The following MARCHF1 variants were observed in gnomAD, a reference collection of about 807,000 sequenced individuals.
MARCHF1 encodes the protein membrane associated ring-CH-type finger 1.
MARCHF1 carries 40 observed loss-of-function variants against 54.2 expected under a neutral mutation model. The ratio of observed to expected loss-of-function variants is 0.74; its 90% CI spans 0.57 to 0.96. The LOEUF (loss-of-function observed/expected upper bound fraction) is 0.96. Among genes scored for constraint, MARCHF1 ranks in the 40% least tolerant of loss-of-function variants. The pLI is 0.00. For synonymous variants in MARCHF1, 236 were observed against 236.3 expected, an observed-to-expected ratio of 1.00 and a Z score of 0.01; for missense variants, 586 against 656.5, an observed-to-expected ratio of 0.89 and a Z score of 1.17.
intron 4 of MARCHF1, among the ~76,000 whole-genome samples, chr4:163,771,744 CA>C (rs141957003): frequency 0.011 from 1,704 of 152,266 alleles, 31 homozygotes; most frequent in African/African-American, 0.038. Context: ...AGCACTGCTC[CA>C]GCAATTCTGA....
In MARCHF1 at chr4:163,693,459, G is replaced by A. The variant is rs184064523; in HGVS notation, c.162+7354C>T. On this transcript the variant is annotated intron_variant, in intron 5 of 9. Coordinates refer to ENST00000514618, the MANE Select transcript of MARCHF1 (RefSeq NM_001394959.1). ...GGGGCCTAGAATGATAGAAGGTTCT[G>A]CAGCAATATCAGCTGCAATACAAGC... Among the ~76,000 whole-genome samples, 60 of 151,472 alleles carry A rather than the reference G, an allele frequency of 4.0e-4. 1 individual carries two copies. Among genetic ancestry groups the A allele is most frequent in the Admixed American group, 7.2e-4 (11 of 15,192 alleles).
At chr4:164,274,212 T>C (rs909018205) in intron 1 of MARCHF1, among the ~76,000 whole-genome samples, 2 of 152,230 alleles carry the variant, frequency 1.3e-5, no homozygotes, top group Admixed American at 6.5e-5. Context: ...GTTTTCCTTG[T>C]TGGCGAGTAA....
At chr4:164,249,670 G>C (rs1011510711) in intron 1 of MARCHF1, among the ~76,000 whole-genome samples, 1 of 151,238 alleles carries the variant, frequency 6.6e-6, no homozygotes, top group African/African-American at 2.4e-5. Context: ...AATTAAGGAA[G>C]AAAGTGCTAG....
chr4:163,707,830 G>A (rs1241844912), intron 4 of MARCHF1, among the ~76,000 whole-genome samples: 2 of 150,252 alleles, frequency 1.3e-5, no homozygotes, highest in South Asian at 2.1e-4. Flanking sequence ...ATAAAGATGG[G>A]ACAGTTGTTA....
intron 1 of MARCHF1, among the ~76,000 whole-genome samples, chr4:164,311,201 T>C (rs1734841896): frequency 6.6e-6 from 1 of 152,174 alleles, no homozygotes; most frequent in African/African-American, 2.4e-5. Flanking sequence ...AGATATGTAC[T>C]GATCTATTGT....
chr4:164,262,942 A>C (rs1361617269), intron 1 of MARCHF1, among the ~76,000 whole-genome samples: 2 of 152,202 alleles, frequency 1.3e-5, no homozygotes, highest in Non-Finnish European at 2.9e-5. Context: ...AATGCTAAGG[A>C]TATAACAAGA....
At chr4:163,724,176 T>C (rs917232655) in intron 4 of MARCHF1, among the ~76,000 whole-genome samples, 2 of 152,230 alleles carry the variant, frequency 1.3e-5, no homozygotes, top group African/African-American at 4.8e-5. Context: ...TGGTCTTTGA[T>C]CATGGTGATG....
chr4:164,200,071 A>G (rs72987747), intron 1 of MARCHF1, among the ~76,000 whole-genome samples: 1,889 of 152,256 alleles, frequency 0.012, 41 homozygotes, highest in African/African-American at 0.044. Flanking sequence ...CTTTCTACAG[A>G]AGGACTTTCT....
At chr4:163,975,006 A>C (rs4056335) in intron 3 of MARCHF1, among the ~76,000 whole-genome samples, 145,461 of 152,150 alleles carry the variant, frequency 0.96, 69,842 homozygotes, top group East Asian at 1. Context: ...AGGATTTTTT[A>C]TGCCTTTAGA....
At chr4:164,004,951 T>C (rs999850690) in intron 2 of MARCHF1, among the ~76,000 whole-genome samples, 3 of 151,496 alleles carry the variant, frequency 2.0e-5, no homozygotes, top group Non-Finnish European at 1.5e-5. Flanking sequence ...GTAGAGCACA[T>C]TAAAAAAAGG....
intron 2 of MARCHF1, among the ~76,000 whole-genome samples, chr4:164,028,576 G>T (rs1753816255): frequency 6.6e-6 from 1 of 152,086 alleles, no homozygotes; most frequent in African/African-American, 2.4e-5. Flanking sequence ...TACTAGAAGG[G>T]GTAGGGAAAC....
chr4:163,971,728 C>T (rs190483801), intron 3 of MARCHF1, among the ~76,000 whole-genome samples: 1 of 152,202 alleles, frequency 6.6e-6, no homozygotes. Context: ...AACCTTTGTT[C>T]CTGTGTTTTA....
chr4:164,070,384 A>G (rs1232207367), intron 2 of MARCHF1, among the ~76,000 whole-genome samples: 2 of 152,182 alleles, frequency 1.3e-5, no homozygotes, highest in Non-Finnish European at 2.9e-5. Context: ...GATTTGAGAT[A>G]TTCAGGAATT....
intron 1 of MARCHF1, among the ~76,000 whole-genome samples, chr4:164,220,618 T>TA (rs975137415): frequency 1.4e-5 from 2 of 146,014 alleles, no homozygotes; most frequent in African/African-American, 2.5e-5. Context: ...ATGCTATATA[T>TA]GCATATATGT....
intron 5 of MARCHF1, among the ~76,000 whole-genome samples, chr4:163,666,752 T>C (rs1743547683): frequency 6.6e-6 from 1 of 152,104 alleles, no homozygotes; most frequent in Admixed American, 6.6e-5. Context: ...AAGGTTCTGC[T>C]TTATACTTCC....
At chr4:164,075,948 T>C (rs146095304) in intron 2 of MARCHF1, among the ~76,000 whole-genome samples, 9 of 152,304 alleles carry the variant, frequency 5.9e-5, no homozygotes, top group Admixed American at 4.6e-4. Flanking sequence ...GTCTATCATA[T>C]AGATTTGTAC....
At chr4:163,707,814 C>G (rs2111247592) in intron 4 of MARCHF1, among the ~76,000 whole-genome samples, 1 of 150,296 alleles carries the variant, frequency 6.7e-6, no homozygotes, top group East Asian at 2.0e-4. Flanking sequence ...AAAAAGAATC[C>G]CAGCAATAAA....
chr4:163,811,366 T>C (rs1319609290), intron 4 of MARCHF1, among the ~76,000 whole-genome samples: 1 of 152,086 alleles, frequency 6.6e-6, no homozygotes, highest in Non-Finnish European at 1.5e-5. Flanking sequence ...AAATATTTTG[T>C]CTTAAGGAAA....
intron 1 of MARCHF1, among the ~76,000 whole-genome samples, chr4:164,240,081 T>C (rs1015681566): frequency 6.6e-5 from 10 of 152,180 alleles, no homozygotes; most frequent in African/African-American, 1.7e-4. Context: ...ATGAAATAGA[T>C]TGTTCATCTC....
Sources: allele counts gnomAD v4.1 joint callset (sites outside exome capture counted in the v4.1 genomes callset), GRCh38; gene constraint gnomAD v4.1.1; transcripts MANE v1.5; gene names NCBI Gene and HGNC (gene_info 2026-07-23, HGNC 2026-07-21).